EML5: variants seen among roughly 807,000 people sequenced by gnomAD.
EML5 encodes echinoderm microtubule-associated protein-like 5.
EML5 carries 120 observed loss-of-function variants against 250.0 expected under a neutral mutation model. The ratio of observed to expected loss-of-function variants is 0.48; its 90% CI spans 0.41 to 0.56. The LOEUF is 0.56. Ranked by LOEUF, EML5 falls within the 20% of genes least tolerant of loss-of-function variation. The pLI, the probability that EML5 is intolerant of heterozygous loss-of-function variation, is 0.00. For synonymous variants in EML5, 771 were observed against 806.5 expected (o/e 0.96, Z 0.75); for missense variants, 2,006 against 2,437.6 (o/e 0.82, Z 3.73).
Position 88,715,007 on chromosome 14 carries a change from C to A in EML5, c.1376G>T (p.Trp459Leu). The change falls in exon 9 of 44, where the codon TGG (tryptophan) becomes TTG (leucine). Residue 459 changes from tryptophan to leucine, a missense_variant. This residue lies in a region of EML5 where 1,375 missense variants were observed against 1,590.3 expected (regional missense o/e 0.86). Coordinates refer to ENST00000554922, the MANE Select transcript of EML5 (RefSeq NM_183387.3). The part of the protein sequence containing the change: ...GSLSFITHLD[W>L]SSDSRYLQTN... ...CTGCAAATATCTACTGTCTGAAGAC[C>A]AGTCCAGATGAGTGATGAAACTAAG... The A allele has an allele frequency of 1.9e-6, 3 of 1,613,802 alleles. No individual in the cohort carries two copies. Among genetic ancestry groups the A allele is most frequent in the Non-Finnish European group, 2.5e-6 (3 of 1,179,812 alleles).
chr14:88,616,304 T>A, intron 42 of EML5, 62 bp from the exon 43 acceptor site: 1 of 1,460,704 alleles, frequency 6.8e-7, no homozygotes, highest in Non-Finnish European at 9.6e-7. Flanking sequence ...AAGGCTCTTA[T>A]TAGGAACTAT....
chr14:88,642,903 A>G lies in EML5; in HGVS notation c.4227T>C (p.Asn1409=), dbSNP rs368192765. 2.5e-6 allele frequency: 4 copies of G among 1,602,854 alleles called. No individual in the cohort carries two copies. The African/African-American group carries it at 4.0e-5, about 16-fold the overall frequency. The change falls in exon 31 of 44, where the codon AAT becomes AAC. Residue 1409 remains asparagine (N), a synonymous_variant. Transcript: ENST00000554922. ...ATCAGGGTTTCCTACCTGTAGCAAC[A>G]TTGTGCAGAATTCCAACAGATGCAG... ...YHTASVGILH[N]VATGSQSFYQ...
At chr14:88,622,035 CT>C (rs2089073827) in intron 37 of EML5, 2 of 330,034 alleles carry the variant, frequency 6.1e-6, no homozygotes, top group Non-Finnish European at 1.3e-5. Context: ...CCCCCTCCCC[CT>C]CCCCCTTGTC....
intron 16 of EML5, among the ~76,000 whole-genome samples, chr14:88,694,794 T>C (rs1337493577): frequency 6.6e-6 from 1 of 152,230 alleles, no homozygotes; most frequent in Non-Finnish European, 1.5e-5. Flanking sequence ...GCATTATCTA[T>C]ATGCTCCATA....
chr14:88,620,953 A>G lies in EML5; in HGVS notation c.5203-27T>C. The stretch of plus-strand genomic sequence containing the variant: ...TGCATTTAAAAAAAAAAAAAAAAAG[A>G]GTCATAGGAAACATTAAGTGAAGTA... On this transcript the variant is annotated intron_variant, in intron 38 of 43. Transcript: ENST00000554922. This position sits in a 1 kb window ranked among gnomAD's most constrained non-coding sequence, Gnocchi z 4.3. 1 of 1,377,648 alleles carries G rather than the reference A, an allele frequency of 7.3e-7. No individual in the cohort carries two copies. Among genetic ancestry groups the G allele is most frequent in the Non-Finnish European group, 9.7e-7 (1 of 1,032,800 alleles). The allele number at this position is 1,377,648 out of a possible 1,614,324, so 85.3% of individuals were successfully genotyped here.
chr14:88,744,389 C>T (rs1451267075), intron 3 of EML5, among the ~76,000 whole-genome samples: 1 of 151,792 alleles, frequency 6.6e-6, no homozygotes, highest in African/African-American at 2.4e-5. Context: ...AATGGTTGAA[C>T]AGAATTAGGA....
intron 1 of EML5, among the ~76,000 whole-genome samples, chr14:88,772,957 C>T (rs189809988): frequency 5.0e-4 from 76 of 152,310 alleles, no homozygotes; most frequent in Admixed American, 1.2e-3. Flanking sequence ...ATATAACTTG[C>T]TCAGAGAAGC....
At chr14:88,683,868 A>T (rs2092768645) in intron 20 of EML5, among the ~76,000 whole-genome samples, 1 of 152,180 alleles carries the variant, frequency 6.6e-6, no homozygotes, top group Admixed American at 6.5e-5. Flanking sequence ...ATGGTGGAAG[A>T]CTAGATGCTT....
At chr14:88,659,491 C>T (rs2091999274) in intron 25 of EML5, among the ~76,000 whole-genome samples, 1 of 152,170 alleles carries the variant, frequency 6.6e-6, no homozygotes, top group Admixed American at 6.5e-5. Context: ...GGATTATAGG[C>T]GTAAGCCACT....
chr14:88,730,900 T>C (rs922045263), intron 7 of EML5, among the ~76,000 whole-genome samples: 1 of 152,192 alleles, frequency 6.6e-6, no homozygotes, highest in African/African-American at 2.4e-5. Context: ...CCTGTGCTTA[T>C]TCATTGTATT....
At chr14:88,633,516 A>T (rs2090553745) in intron 33 of EML5, among the ~76,000 whole-genome samples, 2 of 152,196 alleles carry the variant, frequency 1.3e-5, no homozygotes. Context: ...TCTTGACATG[A>T]TGGAGATTTA....
intron 8 of EML5, among the ~76,000 whole-genome samples, chr14:88,720,321 G>A (rs2093570447): frequency 6.6e-6 from 1 of 152,098 alleles, no homozygotes; most frequent in African/African-American, 2.4e-5. Context: ...AAACCTGGCA[G>A]AGAACCAACA....
At chr14:88,712,602 G>A in intron 9 of EML5, 119 bp from the exon 10 acceptor site, 23 of 680,806 alleles carry the variant, frequency 3.4e-5, no homozygotes, top group South Asian at 1.4e-4. Flanking sequence ...CCCACTTAGA[G>A]GAAAATACAT....
intron 8 of EML5, 77 bp from the exon 9 acceptor site, chr14:88,715,272 T>C: frequency 7.3e-7 from 1 of 1,372,306 alleles, no homozygotes; most frequent in Non-Finnish European, 9.7e-7. Context: ...ATGTCTAAAA[T>C]GACCGTGAAG....
At chr14:88,769,966 GTT>G (rs79797316) in intron 1 of EML5, among the ~76,000 whole-genome samples, 3 of 139,610 alleles carry the variant, frequency 2.1e-5, no homozygotes, top group Admixed American at 7.2e-5. Context: ...ATTATGTGCA[GTT>G]TTTTTTTTTT....
At chr14:88,775,097 A>G (rs1188291834) in intron 1 of EML5, among the ~76,000 whole-genome samples, 1 of 148,524 alleles carries the variant, frequency 6.7e-6, no homozygotes, top group Non-Finnish European at 1.5e-5. Flanking sequence ...TGGGCCCTGA[A>G]TAACCAGTAG....
At chr14:88,623,535 T>G (rs1480392966) in intron 36 of EML5, 1 of 151,956 alleles carries the variant, frequency 6.6e-6, no homozygotes, top group Non-Finnish European at 1.5e-5. Context: ...ATTCTTCTCC[T>G]TCAGCCTCCC....
chr14:88,657,533 A>G, intron 26 of EML5, 31 bp from the exon 27 acceptor site: 2 of 1,565,466 alleles, frequency 1.3e-6, no homozygotes, highest in Non-Finnish European at 1.7e-6. Flanking sequence ...TAATTCTTTA[A>G]GCAATAACTG....
At chr14:88,651,936 A>G (rs965766793) in intron 27 of EML5, among the ~76,000 whole-genome samples, 1 of 152,188 alleles carries the variant, frequency 6.6e-6, no homozygotes, top group East Asian at 1.9e-4. Flanking sequence ...ACCATAAGTT[A>G]GGGATTATAA....
Sources: allele counts gnomAD v4.1 joint callset (sites outside exome capture counted in the v4.1 genomes callset), GRCh38; gene constraint gnomAD v4.1.1; regional missense constraint gnomAD v4.1.1; non-coding constraint Gnocchi (gnomAD v3.1); transcripts MANE v1.5; gene names NCBI Gene and HGNC (gene_info 2026-07-23, HGNC 2026-07-21).